Variants in ROBO1 observed in about 807,000 individuals in gnomAD.
ROBO1 encodes the protein roundabout guidance receptor 1.
Under a neutral mutation model 195.9 loss-of-function variants are expected in ROBO1, and 149 were observed. The observed-to-expected ratio is 0.76, with a 90% CI of 0.67 to 0.87. ROBO1 has a LOEUF of 0.87. Among genes scored for constraint, ROBO1 ranks in the 40% least tolerant of loss-of-function variants. The probability of loss-of-function intolerance (pLI) is 0.00; values close to 1 mark genes in which losing one functional copy is unlikely to be tolerated. For missense variants in ROBO1, 1,933 were observed against 2,068.3 expected (o/e 0.93, Z 1.27); for synonymous variants, 816 against 733.2 (o/e 1.11, Z -1.82).
At chr3:78,948,181 G>A (rs1350639317) in intron 3 of ROBO1, among the ~76,000 whole-genome samples, 1 of 152,142 alleles carries the variant, frequency 6.6e-6, no homozygotes, top group African/African-American at 2.4e-5. Flanking sequence ...TATGAGGCCA[G>A]CATCATCCTG....
chr3:79,429,030 G>A (rs2038566562), intron 2 of ROBO1, among the ~76,000 whole-genome samples: 1 of 152,122 alleles, frequency 6.6e-6, no homozygotes, highest in Non-Finnish European at 1.5e-5. Context: ...CTTAATTATG[G>A]TGGTGGTTAC....
chr3:78,736,883 G>T (rs1479587149), intron 5 of ROBO1, among the ~76,000 whole-genome samples: 1 of 152,088 alleles, frequency 6.6e-6, no homozygotes, highest in Non-Finnish European at 1.5e-5. Flanking sequence ...AAAGTTTCAG[G>T]ATGTTCCTTG....
At chr3:79,047,977 C>T (rs147289172) in intron 3 of ROBO1, among the ~76,000 whole-genome samples, 7 of 152,034 alleles carry the variant, frequency 4.6e-5, no homozygotes, top group African/African-American at 7.2e-5. Flanking sequence ...GAAGCCTTGC[C>T]GTGGAAACTT....
At chr3:78,990,057 AAAAG>A (rs1243143782) in intron 3 of ROBO1, among the ~76,000 whole-genome samples, 4 of 152,182 alleles carry the variant, frequency 2.6e-5, no homozygotes, top group Non-Finnish European at 5.9e-5. Flanking sequence ...ACTGCAGGAA[AAAAG>A]AAAGAAAGGA....
At chr3:79,644,297 C>A (rs1945752644) in intron 1 of ROBO1, among the ~76,000 whole-genome samples, 1 of 152,080 alleles carries the variant, frequency 6.6e-6, no homozygotes, top group Non-Finnish European at 1.5e-5. Context: ...ATGAATGAAT[C>A]ATCCAGACAG....
At chr3:79,601,984 T>G (rs1271965594) in intron 1 of ROBO1, among the ~76,000 whole-genome samples, 1 of 151,984 alleles carries the variant, frequency 6.6e-6, no homozygotes, top group Non-Finnish European at 1.5e-5. Context: ...CTATTCGTAT[T>G]ACAGCATGAT....
At chr3:79,411,730 T>C (rs955181403) in intron 2 of ROBO1, among the ~76,000 whole-genome samples, 4 of 152,170 alleles carry the variant, frequency 2.6e-5, no homozygotes, top group Non-Finnish European at 2.9e-5. Flanking sequence ...ATATTGCAGA[T>C]GTGTGGAGCT....
intron 2 of ROBO1, among the ~76,000 whole-genome samples, chr3:79,418,358 A>G (rs969677851): frequency 1.3e-5 from 2 of 152,148 alleles, no homozygotes; most frequent in African/African-American, 2.4e-5. Context: ...TTACTTTTCT[A>G]TCTCCCAAAT....
At chr3:79,589,060 A>G (rs976825861) in intron 2 of ROBO1, among the ~76,000 whole-genome samples, 6 of 151,676 alleles carry the variant, frequency 4.0e-5, no homozygotes, top group Admixed American at 1.3e-4. Context: ...AAAACATGGT[A>G]TGTTATTCTT....
chr3:78,896,403 A>G (rs919190829), intron 4 of ROBO1, among the ~76,000 whole-genome samples: 2 of 152,006 alleles, frequency 1.3e-5, no homozygotes, highest in Non-Finnish European at 1.5e-5. Context: ...CACCATTGTA[A>G]TTTGCTTCTG....
intron 2 of ROBO1, among the ~76,000 whole-genome samples, chr3:79,433,149 C>T (rs1013819659): frequency 5.3e-5 from 8 of 152,042 alleles, no homozygotes; most frequent in African/African-American, 1.7e-4. Context: ...TATCTATTAG[C>T]TATTCTTCCT....
At chr3:79,204,548 T>G (rs2108786557) in intron 2 of ROBO1, among the ~76,000 whole-genome samples, 1 of 152,264 alleles carries the variant, frequency 6.6e-6, no homozygotes, top group African/African-American at 2.4e-5. Context: ...TGAGGATTTT[T>G]CCGAGACATG....
intron 4 of ROBO1, among the ~76,000 whole-genome samples, chr3:78,911,293 T>G (rs193050201): frequency 9.3e-4 from 142 of 152,220 alleles, no homozygotes; most frequent in Non-Finnish European, 3.2e-4. Flanking sequence ...GTTTTTAAAT[T>G]CACTTTTGTA....
chr3:79,009,845 C>A (rs1270739090), intron 3 of ROBO1, among the ~76,000 whole-genome samples: 1 of 152,188 alleles, frequency 6.6e-6, no homozygotes. Context: ...ATGAAACAAT[C>A]AGTTCCTTAC....
intron 1 of ROBO1, among the ~76,000 whole-genome samples, chr3:79,689,670 A>C (rs1002329457): frequency 1.3e-5 from 2 of 152,008 alleles, no homozygotes; most frequent in African/African-American, 4.8e-5. Flanking sequence ...CCTGGAAACT[A>C]TCTTGCTTTT....
intron 3 of ROBO1, among the ~76,000 whole-genome samples, chr3:79,021,695 T>C (rs2078106036): frequency 1.3e-5 from 2 of 149,690 alleles, no homozygotes; most frequent in Admixed American, 6.7e-5. Context: ...GAGTCTGTCT[T>C]TGTCGCCCAG....
chr3:79,733,897 G>T (rs1438821361), intron 1 of ROBO1, among the ~76,000 whole-genome samples: 2 of 151,252 alleles, frequency 1.3e-5, no homozygotes, highest in Middle Eastern at 3.4e-3. Context: ...ACACTGGTCT[G>T]GCTTATTACC....
At chr3:78,808,907 G>T (rs543859356) in intron 4 of ROBO1, among the ~76,000 whole-genome samples, 3 of 152,084 alleles carry the variant, frequency 2.0e-5, no homozygotes, top group Admixed American at 2.0e-4. Flanking sequence ...GAAGAAAACC[G>T]AGGCAATACC....
chr3:79,419,787 A>G (rs1219508138), intron 2 of ROBO1, among the ~76,000 whole-genome samples: 1 of 152,108 alleles, frequency 6.6e-6, no homozygotes, highest in African/African-American at 2.4e-5. Flanking sequence ...GGGTTTGAAT[A>G]TTACTGATTT....
Sources: gnomAD v4.1 joint callset for allele counts (sites outside exome capture counted in the v4.1 genomes callset) on GRCh38, gnomAD v4.1.1 for gene constraint, MANE v1.5 for transcripts, NCBI Gene and HGNC (gene_info 2026-07-23, HGNC 2026-07-21) for gene names.